SAMD4B: variants seen among roughly 807,000 people sequenced by gnomAD.
The protein encoded by SAMD4B is protein Smaug homolog 2.
In SAMD4B, 5 loss-of-function variants were observed where a neutral mutation model predicts 74.5. The observed-to-expected ratio is 0.07, with a 90% CI of 0.04 to 0.14. SAMD4B has a LOEUF of 0.14. Ranked by LOEUF, SAMD4B falls within the 10% of genes least tolerant of loss-of-function variation. The probability of loss-of-function intolerance (pLI) is 1.00; values close to 1 mark genes in which losing one functional copy is unlikely to be tolerated. For missense variants in SAMD4B, 608 were observed against 921.8 expected (o/e 0.66, Z 4.41); for synonymous variants, 373 against 374.9 (o/e 1.00, Z 0.06).
chr19:39,371,526 T>C (rs1431864458), intron 4 of SAMD4B, among the ~76,000 whole-genome samples: 1 of 152,122 alleles, frequency 6.6e-6, no homozygotes, highest in Non-Finnish European at 1.5e-5. Context: ...CAAAAAATAT[T>C]GAGTGCTAGT....
intron 1 of SAMD4B, among the ~76,000 whole-genome samples, chr19:39,346,889 C>T (rs1292174220): frequency 1.3e-5 from 2 of 152,054 alleles, no homozygotes. Context: ...TGATACTTTA[C>T]TTCATAGAAT....
rs1254279250 is a variant in SAMD4B at position 39,369,802 on chromosome 19, G to C, written c.344G>C (p.Ser115Thr). The C allele has an allele frequency of 6.2e-7, 1 of 1,614,136 alleles. No individual in the cohort carries two copies. The highest frequency in any genetic ancestry group is 8.5e-7 in the Non-Finnish European group (1 of 1,180,048). Reference sequence around the variant, plus strand: ...AAAGTGCTGGCCTACTCAATCGAGAGCAATGCTTTCATCGAGGAGAGTCGC... The same window carrying C: ...AAAGTGCTGGCCTACTCAATCGAGACCAATGCTTTCATCGAGGAGAGTCGC... ...LQKVLAYSIE[S>T]NAFIEESRQL... The change falls in exon 4 of 14, where the codon AGC becomes ACC. Residue 115 changes from serine (S) to threonine (T), a missense_variant. By Grantham distance (58) the Ser-to-Thr change is moderately conservative. Transcript: ENST00000610417.
intron 6 of SAMD4B, 41 bp from the exon 7 acceptor site, chr19:39,376,664 T>C: frequency 6.2e-7 from 1 of 1,603,326 alleles, no homozygotes; most frequent in Non-Finnish European, 8.5e-7. Flanking sequence ...TATCTCAGCC[T>C]CACATCTCTA....
intron 3 of SAMD4B, among the ~76,000 whole-genome samples, chr19:39,362,975 C>A (rs1600544400): frequency 1.3e-5 from 2 of 152,162 alleles, no homozygotes; most frequent in South Asian, 4.1e-4. Flanking sequence ...AATGTGAGCC[C>A]CCTGCCCTCC....
downstream of SAMD4B, chr19:39,386,865 C>CTCACTGGGGGGCGGGGAAGT: frequency 2.8e-6 from 3 of 1,082,048 alleles, no homozygotes; most frequent in Non-Finnish European, 4.3e-6. This position sits in a 1 kb window ranked among gnomAD's most constrained non-coding sequence, Gnocchi z 6.1. Flanking sequence ...CCCACTTCCC[C>CTCACTGGGGGGCGGGGAAGT]GCCCCCCAGT....
intron 3 of SAMD4B, among the ~76,000 whole-genome samples, chr19:39,363,127 G>A (rs903523448): frequency 6.6e-6 from 1 of 152,084 alleles, no homozygotes. Flanking sequence ...GAGCAGTCTC[G>A]ATTGGTGCCT....
intron 2 of SAMD4B, among the ~76,000 whole-genome samples, chr19:39,354,882 TC>T (rs2076255147): frequency 1.3e-5 from 2 of 152,194 alleles, no homozygotes; most frequent in African/African-American, 2.4e-5. Flanking sequence ...AATTTTTTTT[TC>T]TTTTTTTCTG....
At chr19:39,347,649 T>C (rs2075782433) in intron 1 of SAMD4B, among the ~76,000 whole-genome samples, 1 of 152,218 alleles carries the variant, frequency 6.6e-6, no homozygotes, top group African/African-American at 2.4e-5. Context: ...GGCAATACCC[T>C]CACCACAGTT....
downstream of SAMD4B, chr19:39,389,057 C>T: frequency 1.9e-6 from 3 of 1,612,682 alleles, no homozygotes; most frequent in East Asian, 6.7e-5. This position sits in a 1 kb window ranked among gnomAD's most constrained non-coding sequence, Gnocchi z 5.3. Flanking sequence ...TCTGCAGCCG[C>T]ACCCTTGCCT....
chr19:39,355,402 G>C (rs977531670), intron 2 of SAMD4B, among the ~76,000 whole-genome samples: 4 of 152,210 alleles, frequency 2.6e-5, no homozygotes, highest in African/African-American at 9.6e-5. Context: ...AGTCACAGCT[G>C]TTGCCTAATG....
In SAMD4B at chr19:39,381,362, C is replaced by T. The variant is rs774711342; in HGVS notation, c.1972+249C>T. On this transcript the variant is annotated intron_variant, in intron 12 of 13. Coordinates refer to ENST00000610417, the MANE Select transcript of SAMD4B (RefSeq NM_001384574.2). Reference sequence around the variant, plus strand: ...CTCACCCCTTACTCCTACCCCATCTCATGTTTCCCACCCTATGTCATAATC... The same window carrying T: ...CTCACCCCTTACTCCTACCCCATCTTATGTTTCCCACCCTATGTCATAATC... The T allele has an allele frequency of 2.3e-5, 10 of 437,752 alleles. No homozygotes were observed. In the Admixed American group the frequency reaches 2.8e-4, roughly 12 times the overall value. The allele number at this position is 437,752 out of a possible 1,614,324, so 27.1% of individuals were successfully genotyped here.
chr19:39,349,559 GTT>G (rs1446950706), intron 1 of SAMD4B, among the ~76,000 whole-genome samples: 2 of 152,126 alleles, frequency 1.3e-5, no homozygotes, highest in African/African-American at 4.8e-5. Context: ...TATTTCAGGA[GTT>G]TCTGGAAATA....
downstream of SAMD4B, chr19:39,388,855 T>C (rs764942058): frequency 3.1e-6 from 5 of 1,613,992 alleles, no homozygotes; most frequent in Admixed American, 1.7e-5. Context: ...AGCACATGGA[T>C]TGATCCACAT....
At chr19:39,355,348 C>G (rs2076284518) in intron 2 of SAMD4B, among the ~76,000 whole-genome samples, 1 of 152,178 alleles carries the variant, frequency 6.6e-6, no homozygotes, top group Non-Finnish European at 1.5e-5. Context: ...GGCAACCAGG[C>G]CAGTTCAGTC....
intron 3 of SAMD4B, among the ~76,000 whole-genome samples, chr19:39,368,278 GA>G (rs971981959): frequency 1.1e-4 from 17 of 152,306 alleles, no homozygotes; most frequent in African/African-American, 4.1e-4. Flanking sequence ...CACACAGTGG[GA>G]TAGAAAGGAG....
At chr19:39,363,430 C>T (rs2076769118) in intron 3 of SAMD4B, among the ~76,000 whole-genome samples, 1 of 152,172 alleles carries the variant, frequency 6.6e-6, no homozygotes, top group African/African-American at 2.4e-5. Context: ...ATGAAATTCC[C>T]CACCCCTGTC....
intron 1 of SAMD4B, among the ~76,000 whole-genome samples, chr19:39,343,263 A>C (rs2075440167): frequency 7.0e-6 from 1 of 142,386 alleles, no homozygotes; most frequent in African/African-American, 2.7e-5. Context: ...CCTCCCACTT[A>C]CCCCATTCCA....
At chr19:39,354,209 C>T (rs2076214408) in intron 2 of SAMD4B, 143 bp downstream of exon 2, 2 of 152,226 alleles carry the variant, frequency 1.3e-5, no homozygotes, top group South Asian at 2.1e-4. Flanking sequence ...AGCATTTCCT[C>T]TATCCCATGT....
At chr19:39,359,131 G>A (rs945483412) in intron 3 of SAMD4B, among the ~76,000 whole-genome samples, 11 of 152,170 alleles carry the variant, frequency 7.2e-5, no homozygotes, top group African/African-American at 2.7e-4. Context: ...AACACTAAAG[G>A]CAGGAGTTCT....
Sources: gnomAD v4.1 joint callset for allele counts (sites outside exome capture counted in the v4.1 genomes callset) on GRCh38, gnomAD v4.1.1 for gene constraint, Gnocchi (gnomAD v3.1) non-coding constraint, MANE v1.5 for transcripts, NCBI Gene and HGNC (gene_info 2026-07-23, HGNC 2026-07-21) for gene names.